Variants in ZYG11B observed in about 807,000 individuals in gnomAD.
ZYG11B encodes zyg-11 family member B, cell cycle regulator, also known as protein zyg-11 homolog B.
A neutral mutation model predicts 82.4 loss-of-function variants in ZYG11B; 36 were observed. The ratio of observed to expected loss-of-function variants is 0.44; its 90% CI spans 0.33 to 0.58. The LOEUF (loss-of-function observed/expected upper bound fraction) is 0.58. Ranked by LOEUF, ZYG11B falls within the 20% of genes least tolerant of loss-of-function variation. The pLI, the probability that ZYG11B is intolerant of heterozygous loss-of-function variation, is 0.02. For missense variants in ZYG11B, 552 were observed against 895.6 expected (o/e 0.62, Z 4.90); for synonymous variants, 303 against 312.8 (o/e 0.97, Z 0.33).
At chr1:52,764,204 A>G (rs1264370806) in intron 2 of ZYG11B, among the ~76,000 whole-genome samples, 3 of 151,676 alleles carry the variant, frequency 2.0e-5, no homozygotes, top group Non-Finnish European at 4.4e-5. Context: ...GCTCACTGCA[A>G]CCTCCGCCTC....
intron 3 of ZYG11B, chr1:52,772,328 C>T: frequency 6.9e-7 from 1 of 1,440,302 alleles, no homozygotes; most frequent in Non-Finnish European, 9.8e-7. Context: ...GCATCCTTAT[C>T]CTTTCTGTTC....
intron 12 of ZYG11B, among the ~76,000 whole-genome samples, chr1:52,815,935 A>AAAAT (rs374136919): frequency 0.037 from 5,668 of 152,124 alleles, 324 homozygotes; most frequent in African/African-American, 0.13. Flanking sequence ...ACTCCGTATC[A>AAAAT]AAATAAATAA....
intron 1 of ZYG11B, among the ~76,000 whole-genome samples, chr1:52,744,471 C>T (rs1163797731): frequency 2.0e-5 from 3 of 152,188 alleles, no homozygotes; most frequent in Non-Finnish European, 4.4e-5. Flanking sequence ...AACTGAGTGT[C>T]AGAAGAGCTA....
intron 1 of ZYG11B, among the ~76,000 whole-genome samples, chr1:52,741,298 C>CAAAAAAAAAAAAAAAAAAA (rs770092920): frequency 2.8e-5 from 2 of 72,216 alleles, no homozygotes; most frequent in Admixed American, 2.0e-4. Context: ...GACTTCGTCT[C>CAAAAAAAAAAAAAAAAAAA]AAAAAAAAAA....
intron 1 of ZYG11B, among the ~76,000 whole-genome samples, chr1:52,747,714 A>G (rs1644488926): frequency 6.6e-6 from 1 of 152,122 alleles, no homozygotes; most frequent in Non-Finnish European, 1.5e-5. Context: ...GTCATAGATA[A>G]CCATGGTGTA....
At chr1:52,802,616 G>A (rs1645085617) in intron 10 of ZYG11B, among the ~76,000 whole-genome samples, 1 of 151,722 alleles carries the variant, frequency 6.6e-6, no homozygotes, top group Non-Finnish European at 1.5e-5. Flanking sequence ...CTCCCAAAGT[G>A]CTGGGATTAT....
chr1:52,816,961 GTAT>G (rs942994341), intron 13 of ZYG11B, among the ~76,000 whole-genome samples: 1 of 151,038 alleles, frequency 6.6e-6, no homozygotes, highest in Non-Finnish European at 1.5e-5. Flanking sequence ...GCTAATTTTT[GTAT>G]TATTATTATT....
rs558796558 is a variant in ZYG11B, at chr1:52,802,365, T to G, written c.1695+226T>G. On this transcript the variant is annotated intron_variant, in intron 10 of 13. Coordinates refer to ENST00000294353, the MANE Select transcript of ZYG11B (RefSeq NM_024646.3). The stretch of plus-strand genomic sequence containing the variant: ...CTTTTTTTTTTTTTTTTTTTTTTTT[T>G]GAGACAGGGTCTCACTTTGTTGCCC... Among the ~76,000 whole-genome samples the G allele has an allele frequency of 5.1e-4, 53 of 104,064 alleles. 1 individual carries two copies. In the South Asian group the frequency reaches 0.016, roughly 32 times the overall value. 68.3% of individuals were successfully genotyped at this position (104,064 alleles called of 152,430 possible). A position where few individuals can be genotyped will look rare whatever the true frequency, so the allele number is the denominator to read the frequency against.
intron 6 of ZYG11B, among the ~76,000 whole-genome samples, chr1:52,794,940 G>T (rs918926066): frequency 6.6e-6 from 1 of 152,158 alleles, no homozygotes; most frequent in African/African-American, 2.4e-5. Flanking sequence ...TTCTGTCCTT[G>T]CCCTCCTGGA....
At chr1:52,764,873 C>G (rs1031895326) in intron 2 of ZYG11B, among the ~76,000 whole-genome samples, 2 of 152,098 alleles carry the variant, frequency 1.3e-5, no homozygotes, top group Non-Finnish European at 2.9e-5. Context: ...GCGGGCTCCT[C>G]GGCACTGCCC....
chr1:52,778,539 T>C (rs1644828216), intron 3 of ZYG11B, among the ~76,000 whole-genome samples: 1 of 152,220 alleles, frequency 6.6e-6, no homozygotes, highest in African/African-American at 2.4e-5. Flanking sequence ...GGCCAGACCC[T>C]TAGGTGTTGT....
intron 4 of ZYG11B, among the ~76,000 whole-genome samples, chr1:52,781,930 CTTTTTT>C (rs536913401): frequency 6.9e-6 from 1 of 145,136 alleles, no homozygotes; most frequent in African/African-American, 2.5e-5. Context: ...TATGAATTGT[CTTTTTT>C]TTTTTGTTTT....
intron 12 of ZYG11B, among the ~76,000 whole-genome samples, chr1:52,815,072 C>T (rs754983549): frequency 2.0e-5 from 3 of 152,046 alleles, no homozygotes; most frequent in Non-Finnish European, 2.9e-5. Flanking sequence ...GCATGAGAAT[C>T]GCTTGAACTT....
chr1:52,761,284 ACTC>A (rs1301567054), intron 2 of ZYG11B, among the ~76,000 whole-genome samples: 4 of 152,098 alleles, frequency 2.6e-5, no homozygotes, highest in East Asian at 1.9e-4. Context: ...ACTAGAACTG[ACTC>A]CTCCTGTCTA....
At chr1:52,733,431 T>C (rs1644351008) in intron 1 of ZYG11B, among the ~76,000 whole-genome samples, 1 of 152,122 alleles carries the variant, frequency 6.6e-6, no homozygotes, top group Non-Finnish European at 1.5e-5. Flanking sequence ...CCCAACACTT[T>C]GGGAGACAAA....
intron 5 of ZYG11B, 97 bp downstream of exon 5, chr1:52,785,150 G>A (rs1644902650): frequency 7.8e-7 from 1 of 1,283,422 alleles, no homozygotes. Flanking sequence ...AAATTCAAAT[G>A]CCTTTGGAGG....
At chr1:52,802,553 G>A (rs867838668) in intron 10 of ZYG11B, among the ~76,000 whole-genome samples, 24 of 151,592 alleles carry the variant, frequency 1.6e-4, no homozygotes, top group African/African-American at 5.8e-4. Context: ...GTTTTGCCAT[G>A]TTGCCCAGGA....
At chr1:52,727,208 C>T (rs1243817518) in intron 1 of ZYG11B, among the ~76,000 whole-genome samples, 3 of 152,076 alleles carry the variant, frequency 2.0e-5, no homozygotes, top group African/African-American at 7.2e-5. Context: ...GCTCGGTTCG[C>T]CGTCGCAGCT....
chr1:52,772,749 C>T, intron 3 of ZYG11B: 1 of 620,158 alleles, frequency 1.6e-6, no homozygotes, highest in East Asian at 2.8e-5. Flanking sequence ...GCTATCTTGG[C>T]TCACTGCAAG....
Sources: allele counts gnomAD v4.1 joint callset (sites outside exome capture counted in the v4.1 genomes callset), GRCh38; gene constraint gnomAD v4.1.1; transcripts MANE v1.5; gene names NCBI Gene and HGNC (gene_info 2026-07-23, HGNC 2026-07-21).